Variants in CTNNA2 observed in about 807,000 individuals in gnomAD.
The protein encoded by CTNNA2 is catenin alpha-2.
In CTNNA2, 42 loss-of-function variants were observed where a neutral mutation model predicts 101.0. The ratio of observed to expected loss-of-function variants is 0.42; its 90% CI spans 0.32 to 0.54. The LOEUF (loss-of-function observed/expected upper bound fraction) is 0.54. Among genes scored for constraint, CTNNA2 ranks in the 20% least tolerant of loss-of-function variants. The pLI, the probability that CTNNA2 is intolerant of heterozygous loss-of-function variation, is 0.14. For missense variants in CTNNA2, 871 were observed against 1,223.1 expected (o/e 0.71, Z 4.29); for synonymous variants, 450 against 456.4 (o/e 0.99, Z 0.18).
At chr2:79,414,975 C>T (rs937500935) in intron 4 of CTNNA2, among the ~76,000 whole-genome samples, 13 of 152,122 alleles carry the variant, frequency 8.5e-5, no homozygotes, top group Non-Finnish European at 1.8e-4. Context: ...TTGACACCAC[C>T]AAGTTTTGGG....
chr2:80,327,914 C>T (rs1237187165), intron 7 of CTNNA2, among the ~76,000 whole-genome samples: 1 of 152,174 alleles, frequency 6.6e-6, no homozygotes, highest in Non-Finnish European at 1.5e-5. Flanking sequence ...GAATTCCTTT[C>T]CCTGCTTTAT....
intron 2 of CTNNA2, among the ~76,000 whole-genome samples, chr2:79,203,100 A>G (rs1052169549): frequency 4.0e-5 from 6 of 151,658 alleles, no homozygotes; most frequent in African/African-American, 1.5e-4. Flanking sequence ...ATCATCTCTC[A>G]TTTCTTCCCC....
chr2:80,645,844 T>C (rs554344692), intron 18 of CTNNA2, among the ~76,000 whole-genome samples: 1 of 152,228 alleles, frequency 6.6e-6, no homozygotes, highest in South Asian at 2.1e-4. Flanking sequence ...ATCAAGTAAG[T>C]GGGTTACTCC....
chr2:79,828,301 G>A (rs952160421), intron 3 of CTNNA2, among the ~76,000 whole-genome samples: 4 of 152,126 alleles, frequency 2.6e-5, no homozygotes, highest in African/African-American at 7.2e-5. Flanking sequence ...AACCTAAAAT[G>A]CATCATTTTG....
intron 4 of CTNNA2, among the ~76,000 whole-genome samples, chr2:79,477,168 CTTTTTTTTT>C (rs5832392): frequency 1.5e-4 from 18 of 123,150 alleles, no homozygotes; most frequent in Non-Finnish European, 2.8e-4. Context: ...TCTTTTTTTT[CTTTTTTTTT>C]TTTTTGTTTT....
At chr2:79,884,751 CTTT>C (rs375184305) in intron 6 of CTNNA2, among the ~76,000 whole-genome samples, 3 of 138,400 alleles carry the variant, frequency 2.2e-5, no homozygotes, top group Non-Finnish European at 3.1e-5. Flanking sequence ...TTTAAATATG[CTTT>C]TTTTTTTTTT....
intron 8 of CTNNA2, among the ~76,000 whole-genome samples, chr2:80,415,685 G>C (rs930165966): frequency 6.6e-6 from 1 of 152,068 alleles, no homozygotes; most frequent in Non-Finnish European, 1.5e-5. Flanking sequence ...CTTCTGGGTA[G>C]AATCTGATGG....
chr2:79,413,470 G>T (rs893829281), intron 4 of CTNNA2, among the ~76,000 whole-genome samples: 1 of 151,946 alleles, frequency 6.6e-6, no homozygotes, highest in African/African-American at 2.4e-5. Flanking sequence ...CTCATTGACA[G>T]ACACTTAGGT....
intron 5 of CTNNA2, among the ~76,000 whole-genome samples, 196 bp downstream of exon 5, chr2:79,870,131 C>T (rs1311818441): frequency 1.3e-5 from 2 of 152,198 alleles, no homozygotes; most frequent in East Asian, 3.9e-4. Flanking sequence ...CTGGCCCCCA[C>T]CTATAAGCAG....
chr2:79,584,612 C>A (rs747800928), intron 1 of CTNNA2, among the ~76,000 whole-genome samples: 1 of 151,502 alleles, frequency 6.6e-6, no homozygotes, highest in East Asian at 1.9e-4. Context: ...GTAATCTCTG[C>A]CTCCTAGGTT....
rs117009084 is a variant in CTNNA2 at position 79,335,606 on chromosome 2, A to G, written c.-318+22810A>G. Among the ~76,000 whole-genome samples the G allele has an allele frequency of 7.9e-4, 120 of 152,324 alleles. 1 individual carries two copies. In the East Asian group the frequency reaches 0.021, roughly 26 times the overall value. ...CAATTAAAGAAGCACCTGTAAGACA[A>G]AATTTCTAGACATAAAAATATAGTA... On this transcript the variant is annotated intron_variant, in intron 3 of 21. Coordinates refer to the CTNNA2 transcript ENST00000466387.
intron 2 of CTNNA2, among the ~76,000 whole-genome samples, chr2:79,209,437 T>C (rs1443450660): frequency 6.6e-6 from 1 of 152,240 alleles, no homozygotes; most frequent in East Asian, 1.9e-4. Context: ...TACATATTTG[T>C]TCTTTTTCTC....
intron 1 of CTNNA2, among the ~76,000 whole-genome samples, chr2:79,596,572 G>T (rs1373198956): frequency 1.3e-5 from 2 of 152,222 alleles, no homozygotes; most frequent in Admixed American, 6.5e-5. Flanking sequence ...AACCCTGTGA[G>T]AAAGAAAAGC....
intron 14 of CTNNA2, among the ~76,000 whole-genome samples, chr2:80,583,963 T>C (rs1695755887): frequency 6.6e-6 from 1 of 152,198 alleles, no homozygotes; most frequent in Non-Finnish European, 1.5e-5. Flanking sequence ...GTCTATCATG[T>C]GGTCTGTACG....
intron 7 of CTNNA2, chr2:80,378,922 C>G (rs1232033200): frequency 6.6e-6 from 1 of 150,818 alleles, no homozygotes; most frequent in African/African-American, 2.4e-5. Flanking sequence ...TGTGTAGGCT[C>G]TGGGGTCAGG....
chr2:80,188,508 C>T (rs1231455464), intron 7 of CTNNA2, among the ~76,000 whole-genome samples: 1 of 152,012 alleles, frequency 6.6e-6, no homozygotes, highest in African/African-American at 2.4e-5. Flanking sequence ...ATTAGAAGTC[C>T]AATATGGTCT....
chr2:80,044,330 G>A (rs949868591), intron 7 of CTNNA2, among the ~76,000 whole-genome samples: 10 of 151,774 alleles, frequency 6.6e-5, no homozygotes, highest in African/African-American at 1.9e-4. Context: ...GATGCAAAGG[G>A]TATCACTTTG....
At chr2:80,240,763 G>A (rs1033239765) in intron 7 of CTNNA2, among the ~76,000 whole-genome samples, 1 of 152,160 alleles carries the variant, frequency 6.6e-6, no homozygotes, top group African/African-American at 2.4e-5. Flanking sequence ...TCACTGTGGA[G>A]CCAAGGTTCA....
chr2:80,215,976 C>G (rs910263569), intron 7 of CTNNA2, among the ~76,000 whole-genome samples: 3 of 152,230 alleles, frequency 2.0e-5, no homozygotes, highest in Non-Finnish European at 4.4e-5. Flanking sequence ...CACCCCTCCT[C>G]CAGCCTCGCT....
Sources: allele counts gnomAD v4.1 joint callset (sites outside exome capture counted in the v4.1 genomes callset), GRCh38; gene constraint gnomAD v4.1.1; transcripts MANE v1.5; gene names NCBI Gene and HGNC (gene_info 2026-07-23, HGNC 2026-07-21).